The following PLEKHA6 variants were observed in gnomAD, a reference collection of about 807,000 sequenced individuals.
The protein encoded by PLEKHA6 is pleckstrin homology domain-containing family A member 6.
In PLEKHA6, 60 loss-of-function variants were observed where a neutral mutation model predicts 116.7. The observed-to-expected ratio is 0.51, with a 90% CI of 0.42 to 0.64. PLEKHA6 has a LOEUF of 0.64. Among genes scored for constraint, PLEKHA6 ranks in the 30% least tolerant of loss-of-function variants. PLEKHA6 has a pLI of 0.00. For missense variants in PLEKHA6, 1,338 were observed against 1,422.7 expected (o/e 0.94, Z 0.96); for synonymous variants, 489 against 556.1 (o/e 0.88, Z 1.70).
intron 1 of PLEKHA6, among the ~76,000 whole-genome samples, chr1:204,352,975 G>T (rs1290768460): frequency 6.6e-6 from 1 of 152,084 alleles, no homozygotes; most frequent in Non-Finnish European, 1.5e-5. Context: ...ACAGAGTGAG[G>T]CCCCATCTCA....
intron 1 of PLEKHA6, among the ~76,000 whole-genome samples, chr1:204,314,855 A>G (rs1037564669): frequency 6.6e-6 from 1 of 152,176 alleles, no homozygotes; most frequent in African/African-American, 2.4e-5. Flanking sequence ...AGGGAATAGT[A>G]CTCAGGGATG....
intron 14 of PLEKHA6, 143 bp downstream of exon 14, chr1:204,245,472 C>T (rs914523587): frequency 6.5e-6 from 4 of 615,390 alleles, no homozygotes; most frequent in African/African-American, 3.7e-5. Context: ...CCCTAGAACC[C>T]AGGGGAAGAT....
chr1:204,346,101 A>G (rs1234680443), intron 1 of PLEKHA6, among the ~76,000 whole-genome samples: 1 of 152,192 alleles, frequency 6.6e-6, no homozygotes, highest in Non-Finnish European at 1.5e-5. Context: ...TATGGCTCCT[A>G]GAGGAGCTGC....
At chr1:204,241,574 G>T in intron 16 of PLEKHA6, 93 bp from the exon 17 acceptor site, 9 of 1,421,540 alleles carry the variant, frequency 6.3e-6, no homozygotes, top group Admixed American at 2.3e-5. Context: ...ACTCTCCACC[G>T]AGATTAAAAA....
chr1:204,356,626 G>GA (rs1218486502), intron 1 of PLEKHA6, among the ~76,000 whole-genome samples: 1 of 151,544 alleles, frequency 6.6e-6, no homozygotes, highest in Non-Finnish European at 1.5e-5. Flanking sequence ...TTAATAATAT[G>GA]AAAAAATGCT....
chr1:204,235,003 TATATATATATCTAA>T, intron 17 of PLEKHA6, among the ~76,000 whole-genome samples: 1 of 22,376 alleles, frequency 4.5e-5, no homozygotes, highest in East Asian at 1.1e-3. Flanking sequence ...TATATATATA[TATATATATATCTAA>T]TAGCAGATAT....
intron 13 of PLEKHA6, 42 bp from the exon 14 acceptor site, chr1:204,245,768 G>A: frequency 7.1e-7 from 1 of 1,403,466 alleles, no homozygotes; most frequent in Non-Finnish European, 1.0e-6. Flanking sequence ...TGGCCATGAG[G>A]AGTGTCCAGC....
intron 1 of PLEKHA6, among the ~76,000 whole-genome samples, chr1:204,344,276 C>T (rs570330225): frequency 2.6e-5 from 4 of 152,194 alleles, no homozygotes; most frequent in East Asian, 1.9e-4. Context: ...TCCTCTAAGC[C>T]GGCTGAAAAT....
intron 1 of PLEKHA6, among the ~76,000 whole-genome samples, chr1:204,279,521 A>T (rs1310932264): frequency 6.6e-6 from 1 of 152,250 alleles, no homozygotes; most frequent in East Asian, 1.9e-4. Context: ...GGATGTCAAA[A>T]GGCTTCCATT....
intron 1 of PLEKHA6, among the ~76,000 whole-genome samples, chr1:204,327,381 GTGCCCCACA>G (rs1016563953): frequency 1.1e-4 from 16 of 152,256 alleles, no homozygotes; most frequent in Admixed American, 3.3e-4. Flanking sequence ...TGTGTCTCTA[GTGCCCCACA>G]TGTGGAGAGG....
chr1:204,239,430 C>T (rs1257490718), intron 17 of PLEKHA6, among the ~76,000 whole-genome samples: 1 of 152,182 alleles, frequency 6.6e-6, no homozygotes, highest in African/African-American at 2.4e-5. Context: ...ATGGAAAGGG[C>T]AGAGGTTTGT....
intron 1 of PLEKHA6, among the ~76,000 whole-genome samples, chr1:204,339,979 C>T (rs936545293): frequency 4.3e-4 from 65 of 152,154 alleles, no homozygotes; most frequent in African/African-American, 1.4e-3. Flanking sequence ...GATCAGGAGG[C>T]ACATGGAATA....
chr1:204,248,824 G>T lies in PLEKHA6; in HGVS notation c.1821C>A (p.Thr607=), dbSNP rs1345218073. The change falls in exon 12 of 23, where the codon ACC becomes ACA. Residue 607 remains threonine (T), a synonymous_variant. Transcript: ENST00000272203. The part of the protein sequence containing the change: ...INIRVELSQA[T]TALTNSTIEY... ...CGAACCCCGCTCCCTGGGTTACCGT[G>T]GTCGCCTGAGACAGCTCCACGCGGA... 3.1e-6 allele frequency: 5 copies of T among 1,613,498 alleles called. No individual in the cohort carries two copies. Among genetic ancestry groups the T allele is most frequent in the East Asian group, 4.5e-5 (2 of 44,896 alleles).
intron 1 of PLEKHA6, among the ~76,000 whole-genome samples, chr1:204,326,498 C>A (rs1267221779): frequency 1.3e-5 from 2 of 152,176 alleles, no homozygotes; most frequent in African/African-American, 4.8e-5. Context: ...TGCCCCAGTC[C>A]ATGCCACCTC....
At chr1:204,281,596 AAAC>A (rs1171385715) in intron 1 of PLEKHA6, among the ~76,000 whole-genome samples, 4 of 152,238 alleles carry the variant, frequency 2.6e-5, no homozygotes, top group Admixed American at 1.3e-4. Flanking sequence ...CTGTCTCTAA[AAAC>A]AACAACCCCT....
intron 1 of PLEKHA6, among the ~76,000 whole-genome samples, chr1:204,322,613 T>A (rs1047774837): frequency 6.6e-6 from 1 of 152,200 alleles, no homozygotes; most frequent in Non-Finnish European, 1.5e-5. Flanking sequence ...CCGCTGTCAC[T>A]ATTATCCAGA....
Position 204,223,544 on chromosome 1 carries a change from G to T in PLEKHA6, c.3073C>A (p.Pro1025Thr). The change falls in exon 22 of 23, where the codon CCG becomes ACG. Residue 1025 changes from proline to threonine, a missense_variant. Coordinates refer to ENST00000272203, the MANE Select transcript of PLEKHA6 (RefSeq NM_014935.5). The surrounding 1 kb of genome is among the most constrained non-coding windows in gnomAD (Gnocchi z 4.8). ...TPSPPTSPAS[P>T]APPANPLSSE... ...GACAGGGGGTTTGCTGGAGGAGCCGGGGAAGCAGGGGAGGTGGGAGGGCTT... is the reference window on the plus strand; with the variant it reads ...GACAGGGGGTTTGCTGGAGGAGCCGTGGAAGCAGGGGAGGTGGGAGGGCTT... 1 of 1,549,362 alleles carries T rather than the reference G, an allele frequency of 6.5e-7. No homozygotes were observed. Among genetic ancestry groups the T allele is most frequent in the Non-Finnish European group, 8.7e-7 (1 of 1,145,506 alleles).
At chr1:204,355,091 G>A (rs997718771) in intron 1 of PLEKHA6, among the ~76,000 whole-genome samples, 1 of 152,252 alleles carries the variant, frequency 6.6e-6, no homozygotes, top group African/African-American at 2.4e-5. Flanking sequence ...AAGAACTTGA[G>A]GGTCTTTGGA....
At position 204,261,504 on chromosome 1, in the gene PLEKHA6, G is replaced by A. The variant is rs752736055; in HGVS notation, c.382-56C>T. ...CTCGGCCTCATCCACCCAGCACACA[G>A]TCACCTGTTGGGAGAAGACACCAAC... is the stretch of plus-strand genomic sequence containing the variant. On this transcript the variant is annotated intron_variant, in intron 6 of 22. Coordinates refer to ENST00000272203, the MANE Select transcript of PLEKHA6 (RefSeq NM_014935.5). The surrounding 1 kb of genome is among the most constrained non-coding windows in gnomAD (Gnocchi z 4.0). 5 of 1,537,746 alleles carry A rather than the reference G, an allele frequency of 3.3e-6. No homozygotes were observed. Among genetic ancestry groups the A allele is most frequent in the Admixed American group, 4.0e-5 (2 of 50,088 alleles).
Sources: gnomAD v4.1 joint callset for allele counts (sites outside exome capture counted in the v4.1 genomes callset) on GRCh38, gnomAD v4.1.1 for gene constraint, Gnocchi (gnomAD v3.1) non-coding constraint, MANE v1.5 for transcripts, NCBI Gene and HGNC (gene_info 2026-07-23, HGNC 2026-07-21) for gene names.